LRMDA: variants seen among roughly 807,000 people sequenced by gnomAD.
LRMDA encodes the protein leucine rich melanocyte differentiation associated, also known as leucine-rich melanocyte differentiation-associated protein.
LRMDA carries 18 observed loss-of-function variants against 29.8 expected under a neutral mutation model. That is an observed-to-expected ratio of 0.60 (90% confidence interval 0.42 to 0.90). The LOEUF is 0.90. LRMDA is among the 40% of genes least tolerant of loss of function. The probability of loss-of-function intolerance (pLI) is 0.00; values close to 1 mark genes in which losing one functional copy is unlikely to be tolerated. For missense variants in LRMDA, 273 were observed against 273.9 expected (o/e 1.00, Z 0.02); for synonymous variants, 125 against 109.4 (o/e 1.14, Z -0.89).
At chr10:76,234,200 T>A (rs1388411888) in intron 5 of LRMDA, among the ~76,000 whole-genome samples, 1 of 152,236 alleles carries the variant, frequency 6.6e-6, no homozygotes, top group Admixed American at 6.5e-5. Context: ...CTTGTATATC[T>A]TCATCAGAGC....
intron 2 of LRMDA, among the ~76,000 whole-genome samples, chr10:75,500,519 A>G (rs1845100327): frequency 6.6e-6 from 1 of 152,256 alleles, no homozygotes; most frequent in African/African-American, 2.4e-5. Flanking sequence ...CAAGTGATAT[A>G]GTAGATATGC....
chr10:75,581,872 G>A (rs2132077544), intron 2 of LRMDA, among the ~76,000 whole-genome samples: 1 of 152,254 alleles, frequency 6.6e-6, no homozygotes, highest in South Asian at 2.1e-4. Context: ...ACCATGGCAT[G>A]TGTATACCTG....
At chr10:75,809,536 G>A (rs1305184738) in intron 2 of LRMDA, among the ~76,000 whole-genome samples, 1 of 152,134 alleles carries the variant, frequency 6.6e-6, no homozygotes, top group East Asian at 1.9e-4. Context: ...CCAGCTACTC[G>A]GGAGGCTGAG....
chr10:75,565,159 C>T (rs141141132), intron 2 of LRMDA, among the ~76,000 whole-genome samples: 242 of 152,264 alleles, frequency 1.6e-3, no homozygotes, highest in Middle Eastern at 3.4e-3. Flanking sequence ...TTCTCTATGC[C>T]GTCCTGACTT....
intron 2 of LRMDA, among the ~76,000 whole-genome samples, chr10:75,881,644 T>A (rs1845296617): frequency 2.0e-5 from 3 of 152,170 alleles, no homozygotes; most frequent in Non-Finnish European, 4.4e-5. Context: ...GTGAGACTGA[T>A]TGCAGGCCAC....
chr10:75,757,798 CTTT>C (rs139801931), intron 2 of LRMDA, among the ~76,000 whole-genome samples: 5 of 140,020 alleles, frequency 3.6e-5, no homozygotes, highest in Admixed American at 7.2e-5. Flanking sequence ...AATTTTCTTT[CTTT>C]TTTTTTTTTT....
intron 5 of LRMDA, among the ~76,000 whole-genome samples, chr10:76,096,715 A>G (rs966496417): frequency 6.6e-6 from 1 of 152,154 alleles, no homozygotes; most frequent in Admixed American, 6.5e-5. Flanking sequence ...CATCTTAACA[A>G]TATTGAGTCT....
At position 75,650,231 on chromosome 10, in the gene LRMDA, TAA is replaced by T. The variant is rs1841579914; in HGVS notation, c.131+211740_131+211741del. ...GAAGCTTTCCCCCTATGTTTTCTTCTAAAAGTTTTATCGTTTTCATTCTTAAA... is the reference window on the plus strand; with the variant it reads ...GAAGCTTTCCCCCTATGTTTTCTTCTAAGTTTTATCGTTTTCATTCTTAAA... On this transcript the variant is annotated intron_variant, in intron 2 of 6. Transcript: ENST00000611255. Among the ~76,000 whole-genome samples, 7 of 152,336 alleles carry T rather than the reference TAA, an allele frequency of 4.6e-5. No individual in the cohort carries two copies. The South Asian group carries it at 1.2e-3, about 27-fold the overall frequency.
Position 75,459,097 on chromosome 10 carries a change from T to C in LRMDA, c.131+20603T>C, listed in dbSNP as rs1365999209. Among the ~76,000 whole-genome samples the C allele has an allele frequency of 2.0e-5, 3 of 152,118 alleles. No individual in the cohort carries two copies. In the East Asian group the frequency reaches 5.8e-4, roughly 29 times the overall value. Reference sequence around the variant, plus strand: ...CGCAGCAAGATGGAATGTGGAAATTTGAAATTGATTTAATATTAGGAAAAA... The same window carrying C: ...CGCAGCAAGATGGAATGTGGAAATTCGAAATTGATTTAATATTAGGAAAAA... On this transcript the variant is annotated intron_variant, in intron 2 of 6. Coordinates refer to ENST00000611255, the MANE Select transcript of LRMDA (RefSeq NM_001305581.2).
chr10:75,827,453 G>T (rs989800555), intron 2 of LRMDA, among the ~76,000 whole-genome samples: 3 of 152,162 alleles, frequency 2.0e-5, no homozygotes, highest in African/African-American at 7.2e-5. Flanking sequence ...CTTCTTGCTT[G>T]TGATTTTTTA....
chr10:76,333,729 T>A (rs1001879635), intron 6 of LRMDA, among the ~76,000 whole-genome samples: 6 of 152,214 alleles, frequency 3.9e-5, no homozygotes, highest in African/African-American at 1.2e-4. Context: ...AGGATAATGT[T>A]ACAATAATCC....
At chr10:76,452,905 A>G (rs1297893016) in intron 6 of LRMDA, among the ~76,000 whole-genome samples, 2 of 152,160 alleles carry the variant, frequency 1.3e-5, no homozygotes, top group Non-Finnish European at 2.9e-5. Context: ...GGGTATTTCT[A>G]TTATGCCATG....
chr10:75,763,850 C>G (rs1843127903), intron 2 of LRMDA, among the ~76,000 whole-genome samples: 1 of 152,078 alleles, frequency 6.6e-6, no homozygotes, highest in South Asian at 2.1e-4. Context: ...GCGGAATGAC[C>G]TTGGATGGGT....
At chr10:75,895,626 A>G (rs1039701961) in intron 2 of LRMDA, among the ~76,000 whole-genome samples, 5 of 152,230 alleles carry the variant, frequency 3.3e-5, no homozygotes. Flanking sequence ...TACATGACAT[A>G]AAGAGTAAAT....
intron 2 of LRMDA, among the ~76,000 whole-genome samples, chr10:75,769,227 T>A (rs1389872417): frequency 6.6e-6 from 1 of 152,212 alleles, no homozygotes; most frequent in Non-Finnish European, 1.5e-5. Flanking sequence ...CAGCAAGTTA[T>A]AAAATTACAT....
At chr10:75,932,615 C>T (rs968362303) in intron 2 of LRMDA, among the ~76,000 whole-genome samples, 3 of 151,282 alleles carry the variant, frequency 2.0e-5, no homozygotes, top group African/African-American at 7.3e-5. Flanking sequence ...CTATCTCAAA[C>T]AAAACAAACC....
At chr10:76,291,661 AT>A (rs948208024) in intron 5 of LRMDA, among the ~76,000 whole-genome samples, 60 of 150,472 alleles carry the variant, frequency 4.0e-4, no homozygotes, top group African/African-American at 1.1e-3. Context: ...CCTTGGTAGG[AT>A]TTTTTTTTTC....
intron 6 of LRMDA, among the ~76,000 whole-genome samples, chr10:76,554,212 C>T (rs978633544): frequency 2.0e-5 from 3 of 152,142 alleles, no homozygotes; most frequent in South Asian, 2.1e-4. Context: ...TGTCAGCTTT[C>T]GTTAGAGCCG....
At chr10:75,777,945 A>T (rs1030252076) in intron 2 of LRMDA, among the ~76,000 whole-genome samples, 1 of 152,186 alleles carries the variant, frequency 6.6e-6, no homozygotes, top group Non-Finnish European at 1.5e-5. Flanking sequence ...TTATATATTC[A>T]CACAATTATA....
Sources: gnomAD v4.1 joint callset for allele counts (sites outside exome capture counted in the v4.1 genomes callset) on GRCh38, gnomAD v4.1.1 for gene constraint, MANE v1.5 for transcripts, NCBI Gene and HGNC (gene_info 2026-07-23, HGNC 2026-07-21) for gene names.